Variants in TBC1D1 observed in about 807,000 individuals in gnomAD.
The protein encoded by TBC1D1 is TBC1 domain family member 1.
TBC1D1 carries 89 observed loss-of-function variants against 125.6 expected under a neutral mutation model. That is an observed-to-expected ratio of 0.71 (90% CI 0.60 to 0.85). The LOEUF (loss-of-function observed/expected upper bound fraction) is 0.85. Ranked by LOEUF, TBC1D1 falls within the 40% of genes least tolerant of loss-of-function variation. The pLI is 0.00. For missense variants in TBC1D1, 1,377 were observed against 1,469.2 expected, an observed-to-expected ratio of 0.94 and a Z score of 1.03; for synonymous variants, 565 against 564.1, an observed-to-expected ratio of 1.00 and a Z score of -0.02.
At chr4:38,063,639 TA>T (rs201935146) in intron 12 of TBC1D1, among the ~76,000 whole-genome samples, 3,486 of 150,998 alleles carry the variant, frequency 0.023, 66 homozygotes, top group Middle Eastern at 0.048. Context: ...TTTTATTTTT[TA>T]TTTTTTGAGA....
chr4:38,088,238 A>G (rs1367173113), intron 12 of TBC1D1, among the ~76,000 whole-genome samples: 1 of 152,228 alleles, frequency 6.6e-6, no homozygotes, highest in Non-Finnish European at 1.5e-5. Flanking sequence ...ATTGAACTGC[A>G]TCATATTCAG....
chr4:38,115,976 T>C (rs1442183019), intron 16 of TBC1D1, 22 bp downstream of exon 18: 7 of 1,606,722 alleles, frequency 4.4e-6, no homozygotes, highest in Non-Finnish European at 6.0e-6. Flanking sequence ...TCCTTATGTC[T>C]TTAATACAAC....
intron 8 of TBC1D1, among the ~76,000 whole-genome samples, chr4:38,038,946 G>T (rs1240993881): frequency 7.6e-6 from 1 of 132,178 alleles, no homozygotes; most frequent in African/African-American, 3.5e-5. Context: ...ACTCCCTCTC[G>T]GGAAAAAAAA....
chr4:37,937,704 G>T (rs1027295066), intron 2 of TBC1D1, among the ~76,000 whole-genome samples: 1 of 152,160 alleles, frequency 6.6e-6, no homozygotes, highest in Non-Finnish European at 1.5e-5. Flanking sequence ...AGCCACTATA[G>T]GGTATTTGAA....
intron 2 of TBC1D1, among the ~76,000 whole-genome samples, chr4:37,927,713 C>T (rs1217819044): frequency 2.6e-5 from 4 of 152,150 alleles, no homozygotes; most frequent in African/African-American, 9.7e-5. Context: ...AATCCTTATG[C>T]TTTTGTTTGG....
chr4:38,133,077 A>G lies in TBC1D1; in HGVS notation c.3133-7A>G, dbSNP rs772923168. ...TTAGTACGTGATGACTTTTCTTTCTATAACAGGTATTTGAAATGGACATCG... is the reference window on the plus strand; with the variant it reads ...TTAGTACGTGATGACTTTTCTTTCTGTAACAGGTATTTGAAATGGACATCG... On this transcript the variant is annotated splice_polypyrimidine_tract_variant and splice_region_variant and intron_variant, in intron 18 of 19. Transcript: ENST00000261439. 2.2e-5 allele frequency: 36 copies of G among 1,607,398 alleles called. No individual in the cohort carries two copies. Among genetic ancestry groups the G allele is most frequent in the African/African-American group, 2.1e-4 (16 of 74,428 alleles).
chr4:38,061,837 A>G (rs950481250), intron 12 of TBC1D1, among the ~76,000 whole-genome samples: 4 of 152,228 alleles, frequency 2.6e-5, no homozygotes, highest in Non-Finnish European at 5.9e-5. Context: ...AAACTTAGGA[A>G]CTGATTTGAA....
At chr4:37,996,932 G>C (rs1316624227) in intron 2 of TBC1D1, among the ~76,000 whole-genome samples, 1 of 152,254 alleles carries the variant, frequency 6.6e-6, no homozygotes, top group Admixed American at 6.5e-5. Flanking sequence ...TTGTCTGTGA[G>C]GGGGAGAACA....
chr4:38,018,151 G>A (rs932647068), intron 3 of TBC1D1, among the ~76,000 whole-genome samples: 2 of 152,194 alleles, frequency 1.3e-5, no homozygotes, highest in African/African-American at 2.4e-5. Flanking sequence ...TCATCTCAAG[G>A]AAGATGGCTG....
intron 2 of TBC1D1, among the ~76,000 whole-genome samples, chr4:37,940,212 G>A (rs1027798126): frequency 2.0e-5 from 3 of 152,142 alleles, no homozygotes; most frequent in African/African-American, 7.2e-5. Context: ...GTAGTGGTTT[G>A]TAGTTCTCCT....
In TBC1D1 at chr4:37,973,190, G is replaced by T. The variant is rs571140126; in HGVS notation, c.418-41319G>T. On this transcript the variant is annotated intron_variant, in intron 2 of 19. Coordinates refer to ENST00000261439, the MANE Select transcript of TBC1D1 (RefSeq NM_015173.4). ...TGCCTACTCCTGGATTAGGAAGGAA[G>T]ACTTGGATCAGAGAAAGACCCCTGT... is the stretch of plus-strand genomic sequence containing the variant. Among the ~76,000 whole-genome samples, 32 of 152,296 alleles carry T rather than the reference G, an allele frequency of 2.1e-4. 1 individual carries two copies. The South Asian group carries it at 4.8e-3, about 23-fold the overall frequency.
intron 1 of TBC1D1, among the ~76,000 whole-genome samples, chr4:37,895,704 A>G (rs905992189): frequency 6.6e-6 from 1 of 152,166 alleles, no homozygotes; most frequent in Non-Finnish European, 1.5e-5. Flanking sequence ...ATTCTGTCTC[A>G]AATAATAATA....
chr4:38,028,288 C>T (rs1446399735), intron 7 of TBC1D1, among the ~76,000 whole-genome samples: 1 of 152,182 alleles, frequency 6.6e-6, no homozygotes, highest in Non-Finnish European at 1.5e-5. Flanking sequence ...GCCTCAGCTT[C>T]CTGAGTAGCT....
At chr4:38,078,256 G>A (rs1404722956) in intron 12 of TBC1D1, among the ~76,000 whole-genome samples, 2 of 152,162 alleles carry the variant, frequency 1.3e-5, no homozygotes, top group African/African-American at 4.8e-5. Flanking sequence ...CTCAGCTCAA[G>A]GCCATCCCAT....
In TBC1D1 at chr4:38,046,287, G is replaced by T. The variant is rs189557303; in HGVS notation, c.1629+384G>T. Among the ~76,000 whole-genome samples the T allele has an allele frequency of 9.0e-3, 1,365 of 151,922 alleles. 21 individuals carry two copies. Among genetic ancestry groups the T allele is most frequent in the African/African-American group, 0.031 (1,300 of 41,408 alleles). On this transcript the variant is annotated intron_variant, in intron 10 of 19. Transcript: ENST00000261439. ...CTCGGGAGGCTGAGGCAGGAGAATGGCATGAACCTGGGAGGCGGAGCTTGC... is the reference window on the plus strand; with the variant it reads ...CTCGGGAGGCTGAGGCAGGAGAATGTCATGAACCTGGGAGGCGGAGCTTGC...
At chr4:38,084,521 A>G (rs1051406291) in intron 12 of TBC1D1, among the ~76,000 whole-genome samples, 1 of 152,264 alleles carries the variant, frequency 6.6e-6, no homozygotes, top group Admixed American at 6.5e-5. Flanking sequence ...TTTGTAAACA[A>G]TATGACAACA....
intron 15 of TBC1D1, among the ~76,000 whole-genome samples, chr4:38,104,749 A>T (rs948304944): frequency 1.3e-5 from 2 of 148,562 alleles, no homozygotes; most frequent in Non-Finnish European, 1.5e-5. Flanking sequence ...CCTTAAGGTT[A>T]TTTTTTTTTT....
chr4:37,925,989 T>C (rs1168124356), intron 2 of TBC1D1, among the ~76,000 whole-genome samples: 1 of 152,252 alleles, frequency 6.6e-6, no homozygotes, highest in Non-Finnish European at 1.5e-5. Flanking sequence ...TATGTCTTTC[T>C]GTTTGAAGGA....
chr4:38,017,497 A>G (rs1232141337), intron 3 of TBC1D1, among the ~76,000 whole-genome samples: 2 of 152,192 alleles, frequency 1.3e-5, no homozygotes, highest in South Asian at 2.1e-4. Context: ...CCTTGCCCCA[A>G]ACAGAATGCA....
Sources: allele counts gnomAD v4.1 joint callset (sites outside exome capture counted in the v4.1 genomes callset), GRCh38; gene constraint gnomAD v4.1.1; transcripts MANE v1.5; gene names NCBI Gene and HGNC (gene_info 2026-07-23, HGNC 2026-07-21).